Variants in RASSF3 observed in about 807,000 individuals in gnomAD.
RASSF3 encodes the protein ras association domain-containing protein 3.
Under a neutral mutation model 19.9 loss-of-function variants are expected in RASSF3, and 19 were observed. The ratio of observed to expected loss-of-function variants is 0.96; its 90% confidence interval spans 0.67 to 1.40. The LOEUF is 1.40. Among genes scored for constraint, RASSF3 ranks in the 40% most tolerant of loss-of-function variants. The pLI is 0.00. For missense variants in RASSF3, 306 were observed against 289.8 expected (o/e 1.06, Z -0.41); for synonymous variants, 110 against 104.2 (o/e 1.06, Z -0.34).
At chr12:64,621,259 T>G (rs995238262) in intron 1 of RASSF3, among the ~76,000 whole-genome samples, 4 of 152,126 alleles carry the variant, frequency 2.6e-5, no homozygotes, top group Non-Finnish European at 5.9e-5. Context: ...AACTGTGAAT[T>G]TAATACTTTT....
intron 1 of RASSF3, among the ~76,000 whole-genome samples, chr12:64,656,016 G>T (rs1190742376): frequency 7.1e-6 from 1 of 140,428 alleles, no homozygotes; most frequent in African/African-American, 2.6e-5. Context: ...AACAGAGTGA[G>T]ACTTTGTCTC....
At chr12:64,582,023 C>G (rs1424098453) in intron 2 of RASSF3, among the ~76,000 whole-genome samples, 1 of 151,980 alleles carries the variant, frequency 6.6e-6, no homozygotes, top group Non-Finnish European at 1.5e-5. Context: ...CATGCCCCAC[C>G]ACACTCGGCC....
intron 1 of RASSF3, among the ~76,000 whole-genome samples, chr12:64,514,267 C>T (rs1283054844): frequency 4.1e-5 from 6 of 146,390 alleles, no homozygotes; most frequent in African/African-American, 1.5e-4. Flanking sequence ...GATCTCGGCT[C>T]ACTCCACCTC....
intron 1 of RASSF3, among the ~76,000 whole-genome samples, chr12:64,617,698 C>G (rs559352792): frequency 2.0e-5 from 3 of 152,176 alleles, no homozygotes; most frequent in Non-Finnish European, 2.9e-5. Context: ...GCTGGGATTA[C>G]AGGTGCGTGC....
chr12:64,527,129 G>T (rs779087834), intron 1 of RASSF3, among the ~76,000 whole-genome samples: 4 of 152,184 alleles, frequency 2.6e-5, no homozygotes, highest in Non-Finnish European at 4.4e-5. Context: ...AAGTTACCCA[G>T]CTGAAGCTCA....
intron 2 of RASSF3, among the ~76,000 whole-genome samples, chr12:64,553,976 C>CAAAAAA (rs1021865573): frequency 1.2e-5 from 1 of 83,492 alleles, no homozygotes; most frequent in African/African-American, 3.9e-5. Context: ...GATCCTGTCT[C>CAAAAAA]AAAAAAAAAA....
intron 1 of RASSF3, among the ~76,000 whole-genome samples, chr12:64,658,986 C>T (rs1477543516): frequency 6.6e-6 from 1 of 152,150 alleles, no homozygotes. Flanking sequence ...AGGAGGATAT[C>T]TTGAGCCCAA....
At position 64,519,700 on chromosome 12, in the gene RASSF3, C is replaced by A. The variant is rs2136103013; in HGVS notation, c.169+12371C>A. 2.6e-5 allele frequency among the ~76,000 whole-genome samples: 4 copies of A among 152,068 alleles called. No individual in the cohort carries two copies. The South Asian group carries it at 8.3e-4, about 32-fold the overall frequency. ...GGACAGGGAAAAATGGGGAAACTTC[C>A]TTCTACTCCCTATTTTTTTTATGAC... On this transcript the variant is annotated intron_variant, in intron 1 of 5. Transcript: ENST00000637125.
chr12:64,565,669 C>T (rs1250284593), intron 2 of RASSF3, among the ~76,000 whole-genome samples: 4 of 151,932 alleles, frequency 2.6e-5, no homozygotes, highest in Admixed American at 6.6e-5. Flanking sequence ...GCCAAGATCA[C>T]GCCATTGCAC....
chr12:64,615,488 C>T (rs1870521768), intron 1 of RASSF3, among the ~76,000 whole-genome samples: 2 of 152,152 alleles, frequency 1.3e-5, no homozygotes, highest in Admixed American at 6.6e-5. Context: ...CAACTTCACC[C>T]TTTCGGTTTT....
At chr12:64,622,625 A>C in intron 1 of RASSF3, 1 of 378,110 alleles carries the variant, frequency 2.6e-6, no homozygotes. Flanking sequence ...TTGAAGCCTA[A>C]GTAGAAAATT....
At chr12:64,529,564 G>A (rs1192376009), upstream of RASSF3, among the ~76,000 whole-genome samples, 1 of 152,148 alleles carries the variant, frequency 6.6e-6, no homozygotes, top group African/African-American at 2.4e-5. Context: ...AGACTTTCCT[G>A]GCAATGGTGC....
At chr12:64,643,779 G>A (rs1399071985) in intron 1 of RASSF3, among the ~76,000 whole-genome samples, 1 of 152,104 alleles carries the variant, frequency 6.6e-6, no homozygotes, top group Non-Finnish European at 1.5e-5. Flanking sequence ...TTGGGTAAAA[G>A]CACCTAGAGA....
chr12:64,610,722 C>T lies in RASSF3; in HGVS notation c.90C>T (p.Gly30=). ...CCTTCTTCAGGAGAGCGCCCCAGGGCAAGCCCCGCTCCGGCCAACAAGTGA... is the reference window on the plus strand; with the variant it reads ...CCTTCTTCAGGAGAGCGCCCCAGGGTAAGCCCCGCTCCGGCCAACAAGTGA... ...RTSFFRRAPQ[G]KPRSGQQDVE... is the part of the protein sequence containing the mutation. Residue 30 remains glycine (G), a synonymous_variant, in exon 1 of 5, where the codon GGC becomes GGT. Coordinates refer to ENST00000542104, the MANE Select transcript of RASSF3 (RefSeq NM_178169.4). The T allele has an allele frequency of 1.9e-6, 3 of 1,590,962 alleles. No individual in the cohort carries two copies. The highest frequency in any genetic ancestry group is 2.6e-6 in the Non-Finnish European group (3 of 1,170,338).
intron 1 of RASSF3, among the ~76,000 whole-genome samples, chr12:64,672,845 A>G (rs1872744722): frequency 6.6e-6 from 1 of 152,192 alleles, no homozygotes; most frequent in Admixed American, 6.5e-5. Context: ...AATTTTCTTC[A>G]GACTTTGTTC....
At chr12:64,596,179 G>T (rs1869996752) in intron 2 of RASSF3, among the ~76,000 whole-genome samples, 1 of 152,178 alleles carries the variant, frequency 6.6e-6, no homozygotes, top group South Asian at 2.1e-4. Flanking sequence ...ATGGCTCTCT[G>T]TGCTTTGTTG....
intron 2 of RASSF3, among the ~76,000 whole-genome samples, chr12:64,564,780 GTTT>G (rs1869401516): frequency 6.8e-6 from 1 of 147,558 alleles, no homozygotes; most frequent in Non-Finnish European, 1.5e-5. Flanking sequence ...GGTGTTTTTT[GTTT>G]TTTGTTTTTT....
intron 2 of RASSF3, among the ~76,000 whole-genome samples, chr12:64,577,370 T>C (rs1403854325): frequency 6.6e-6 from 1 of 152,204 alleles, no homozygotes; most frequent in Non-Finnish European, 1.5e-5. Context: ...ATGAGGTGCA[T>C]TTACAGCCCA....
Position 64,573,899 on chromosome 12 carries a change from C to G in RASSF3, c.294+32194C>G, listed in dbSNP as rs529741224. Reference sequence around the variant, plus strand: ...GCAGGAGTCAGGGATCACAGATCACCCCACAGGCTGCCCACCACAGCAAGG... The same window carrying G: ...GCAGGAGTCAGGGATCACAGATCACGCCACAGGCTGCCCACCACAGCAAGG... On this transcript the variant is annotated intron_variant, in intron 2 of 5. Transcript: ENST00000637125. 1.4e-4 allele frequency among the ~76,000 whole-genome samples: 22 copies of G among 152,148 alleles called. No homozygotes were observed. In the South Asian group the frequency reaches 3.5e-3, roughly 24 times the overall value.
Sources: allele counts gnomAD v4.1 joint callset (sites outside exome capture counted in the v4.1 genomes callset), GRCh38; gene constraint gnomAD v4.1.1; transcripts MANE v1.5; gene names NCBI Gene and HGNC (gene_info 2026-07-23, HGNC 2026-07-21).